The following MSI2 variants were observed in gnomAD, a reference collection of about 807,000 sequenced individuals.
MSI2 encodes the protein RNA-binding protein Musashi homolog 2.
In MSI2, 17 loss-of-function variants were observed where a neutral mutation model predicts 45.6. The observed-to-expected ratio is 0.37, with a 90% CI of 0.26 to 0.56. MSI2 has a LOEUF of 0.56. Among genes scored for constraint, MSI2 ranks in the 20% least tolerant of loss-of-function variants. MSI2 has a pLI of 0.77. For synonymous variants in MSI2, 156 were observed against 158.2 expected, an observed-to-expected ratio of 0.99 and a Z score of 0.11; for missense variants, 293 against 444.2, an observed-to-expected ratio of 0.66 and a Z score of 3.06.
intron 6 of MSI2, among the ~76,000 whole-genome samples, chr17:57,516,643 AG>A (rs2086475518): frequency 1.3e-5 from 2 of 152,226 alleles, no homozygotes; most frequent in East Asian, 3.8e-4. Context: ...GTAATAGCAT[AG>A]GGTAGTCATT....
At chr17:57,264,610 G>A (rs1183018414) in intron 5 of MSI2, 1 of 152,214 alleles carries the variant, frequency 6.6e-6, no homozygotes, top group African/African-American at 2.4e-5. Flanking sequence ...TATATGCCAG[G>A]CACTATTGCA....
chr17:57,555,768 T>G (rs2087420810), intron 7 of MSI2, among the ~76,000 whole-genome samples: 1 of 152,150 alleles, frequency 6.6e-6, no homozygotes, highest in African/African-American at 2.4e-5. Context: ...GTGATGGTGT[T>G]TATCCTCACC....
At chr17:57,279,995 T>A (rs1029321064) in intron 5 of MSI2, 1 of 151,016 alleles carries the variant, frequency 6.6e-6, no homozygotes, top group African/African-American at 2.5e-5. Context: ...CATCCATGCA[T>A]TGGATGTTAA....
chr17:57,331,855 A>G (rs1413681932), intron 5 of MSI2, among the ~76,000 whole-genome samples: 1 of 152,214 alleles, frequency 6.6e-6, no homozygotes, highest in East Asian at 1.9e-4. Context: ...GAAGTTACAC[A>G]CAATATGACC....
At chr17:57,694,347 T>C in the MSI2 span, among the ~76,000 whole-genome samples, 1 of 152,214 alleles carries the variant, frequency 6.6e-6, no homozygotes, top group Non-Finnish European at 1.5e-5. Context: ...TTTTTCTCAG[T>C]GTTTCTGCTT....
At chr17:57,270,193 A>G (rs558931573) in intron 5 of MSI2, among the ~76,000 whole-genome samples, 4 of 152,326 alleles carry the variant, frequency 2.6e-5, no homozygotes, top group South Asian at 2.1e-4. Context: ...GTGAGTTTAT[A>G]TGTTATAGGC....
intron 6 of MSI2, chr17:57,450,111 C>T (rs2084969870): frequency 6.6e-6 from 1 of 152,032 alleles, no homozygotes; most frequent in Admixed American, 6.6e-5. Flanking sequence ...AGTTTATAGG[C>T]ACTAGAATTT....
At position 57,675,084 on chromosome 17, in the gene MSI2, G is replaced by A. The variant is rs141602893; in HGVS notation, c.903G>A (p.Ala301=). Residue 301 remains alanine, a synonymous_variant, in exon 12 of 14, where the codon GCG becomes GCA. Transcript: ENST00000284073. ...QDSGVGNYIS[A]ASPQPGSGFG... ...CCGGAGTGGGGAATTACATAAGTGC[G>A]GCCAGCCCACAGCCGGGCTCGGGCT... is the stretch of plus-strand genomic sequence containing the variant. 9.8e-5 allele frequency: 158 copies of A among 1,613,986 alleles called. 1 individual carries two copies. Among genetic ancestry groups the A allele is most frequent in the African/African-American group, 8.9e-4 (67 of 75,046 alleles).
intron 5 of MSI2, among the ~76,000 whole-genome samples, chr17:57,297,150 G>T (rs1454937704): frequency 6.6e-6 from 1 of 151,400 alleles, no homozygotes; most frequent in Non-Finnish European, 1.5e-5. Context: ...TAGGATTACA[G>T]GTGTGAGCCA....
Position 57,545,165 on chromosome 17 carries a change from G to A in MSI2, c.454+15441G>A, listed in dbSNP as rs916500108. 9.2e-5 allele frequency among the ~76,000 whole-genome samples: 14 copies of A among 151,902 alleles called. No individual in the cohort carries two copies. The East Asian group carries it at 2.3e-3, about 25-fold the overall frequency. ...ATTTTCCCCCCTCTGAATTCTGGAG[G>A]CCCCCCCGTTTTTTAAGTAGAGCGT... On this transcript the variant is annotated intron_variant, in intron 7 of 13. Transcript: ENST00000284073.
At chr17:57,473,687 T>C (rs2586234) in intron 6 of MSI2, among the ~76,000 whole-genome samples, 117,669 of 152,004 alleles carry the variant, frequency 0.77, 46,002 homozygotes, top group East Asian at 0.91. Context: ...TGCAGGAGGA[T>C]GGGGCTCTTC....
chr17:57,463,432 T>C (rs1275750683), intron 6 of MSI2, among the ~76,000 whole-genome samples: 1 of 152,116 alleles, frequency 6.6e-6, no homozygotes, highest in African/African-American at 2.4e-5. Flanking sequence ...ACCGCTTCTG[T>C]CTCTACAGCC....
At chr17:57,419,130 G>A (rs2084348616) in intron 6 of MSI2, among the ~76,000 whole-genome samples, 1 of 150,982 alleles carries the variant, frequency 6.6e-6, no homozygotes, top group South Asian at 2.1e-4. Context: ...CTAGTTAAGT[G>A]TTTCTCTGAA....
chr17:57,663,190 A>G (rs1912122690), intron 11 of MSI2, among the ~76,000 whole-genome samples: 1 of 152,164 alleles, frequency 6.6e-6, no homozygotes, highest in Admixed American at 6.5e-5. Flanking sequence ...GGCGGGGCCA[A>G]GGCGGGAGCA....
At chr17:57,511,696 A>T (rs550347355) in intron 6 of MSI2, among the ~76,000 whole-genome samples, 1 of 152,130 alleles carries the variant, frequency 6.6e-6, no homozygotes, top group East Asian at 1.9e-4. Context: ...CCTTGACCTC[A>T]GTTGGCACTG....
intron 5 of MSI2, among the ~76,000 whole-genome samples, chr17:57,387,137 C>T (rs2083700237): frequency 6.6e-6 from 1 of 152,190 alleles, no homozygotes; most frequent in South Asian, 2.1e-4. Flanking sequence ...GACCAGTTAG[C>T]TGGGTTGGGC....
At chr17:57,489,156 G>A (rs989537939) in intron 6 of MSI2, among the ~76,000 whole-genome samples, 8 of 152,190 alleles carry the variant, frequency 5.3e-5, no homozygotes, top group Non-Finnish European at 1.0e-4. Flanking sequence ...GCTTTCTGGG[G>A]CCCAGGCAGC....
intron 11 of MSI2, among the ~76,000 whole-genome samples, chr17:57,671,884 C>T (rs1912810977): frequency 6.6e-6 from 1 of 152,156 alleles, no homozygotes; most frequent in Non-Finnish European, 1.5e-5. Flanking sequence ...ATGGCTCGTT[C>T]GGGGACTTTA....
At chr17:57,394,097 A>T (rs750536433) in intron 5 of MSI2, among the ~76,000 whole-genome samples, 18 of 152,360 alleles carry the variant, frequency 1.2e-4, no homozygotes, top group Non-Finnish European at 1.9e-4. Flanking sequence ...TCCACCAGGA[A>T]GATCTGGCTT....
Sources: gnomAD v4.1 joint callset for allele counts (sites outside exome capture counted in the v4.1 genomes callset) on GRCh38, gnomAD v4.1.1 for gene constraint, MANE v1.5 for transcripts, NCBI Gene and HGNC (gene_info 2026-07-23, HGNC 2026-07-21) for gene names.